Variants in HCN1 observed in about 807,000 individuals in gnomAD.
HCN1 encodes the protein hyperpolarization activated cyclic nucleotide gated potassium channel 1.
Under a neutral mutation model 78.9 loss-of-function variants are expected in HCN1, and 13 were observed. The observed-to-expected ratio is 0.16, with a 90% CI of 0.11 to 0.26. The LOEUF (loss-of-function observed/expected upper bound fraction) is 0.26. Among genes scored for constraint, HCN1 ranks in the 10% least tolerant of loss-of-function variants. HCN1 has a pLI of 1.00. For missense variants in HCN1, 810 were observed against 1,154.3 expected (o/e 0.70, Z 4.32); for synonymous variants, 552 against 455.5 (o/e 1.21, Z -2.70).
intron 2 of HCN1, among the ~76,000 whole-genome samples, chr5:45,552,030 A>C (rs1743380157): frequency 1.3e-5 from 2 of 151,928 alleles, no homozygotes; most frequent in South Asian, 4.1e-4. Context: ...TTTTGCCACA[A>C]TTTTAATTAC....
chr5:45,500,664 A>G (rs548241264), intron 2 of HCN1, among the ~76,000 whole-genome samples: 17 of 152,270 alleles, frequency 1.1e-4, no homozygotes, highest in Non-Finnish European at 2.2e-4. Flanking sequence ...TTAACATACA[A>G]CCTAACCCTT....
chr5:45,422,836 A>C (rs1007511814), intron 3 of HCN1, among the ~76,000 whole-genome samples: 11 of 152,186 alleles, frequency 7.2e-5, no homozygotes, highest in Non-Finnish European at 1.5e-4. Context: ...TAAAATGATC[A>C]ACCTCATGAA....
intron 3 of HCN1, among the ~76,000 whole-genome samples, chr5:45,447,537 C>A (rs757408681): frequency 6.6e-6 from 1 of 152,166 alleles, no homozygotes; most frequent in Non-Finnish European, 1.5e-5. Context: ...GCCACTCACC[C>A]GGCCCAGGTT....
chr5:45,491,798 C>G (rs1260363484), intron 2 of HCN1, among the ~76,000 whole-genome samples: 1 of 152,010 alleles, frequency 6.6e-6, no homozygotes, highest in Non-Finnish European at 1.5e-5. Flanking sequence ...AATTCCAGGT[C>G]TTGAGGAAAT....
At chr5:45,695,138 G>A (rs1739980698) in intron 1 of HCN1, 2 of 154,110 alleles carry the variant, frequency 1.3e-5, no homozygotes, top group Non-Finnish European at 2.9e-5. Flanking sequence ...AGGATAACCA[G>A]CGCCTATAAA....
intron 4 of HCN1, among the ~76,000 whole-genome samples, chr5:45,369,817 G>A (rs1358906374): frequency 6.6e-6 from 1 of 152,024 alleles, no homozygotes; most frequent in Admixed American, 6.6e-5. Context: ...CGGATCATGA[G>A]CATAAAGAAA....
rs1740200762 is a variant in HCN1, at chr5:45,420,260, T to G, written c.1012-23550A>C. 2.0e-5 allele frequency among the ~76,000 whole-genome samples: 3 copies of G among 152,326 alleles called. No individual in the cohort carries two copies. In the South Asian group the frequency reaches 6.2e-4, roughly 32 times the overall value. ...TTGCATCCTGTGGCACACTACTGAT[T>G]GCTTTATCAATATTCATCCTTATTC... On this transcript the variant is annotated intron_variant, in intron 3 of 7. Transcript: ENST00000303230.
At chr5:45,549,660 A>G (rs1023475678) in intron 2 of HCN1, among the ~76,000 whole-genome samples, 1 of 152,118 alleles carries the variant, frequency 6.6e-6, no homozygotes, top group Non-Finnish European at 1.5e-5. Context: ...ATCTAATTAA[A>G]CTCAAGAGCT....
At chr5:45,293,270 A>T (rs1745417017) in intron 6 of HCN1, among the ~76,000 whole-genome samples, 2 of 152,000 alleles carry the variant, frequency 1.3e-5, no homozygotes, top group Admixed American at 1.3e-4. Flanking sequence ...TAATTTTTTG[A>T]TATTTTAATA....
At chr5:45,449,537 T>C (rs1377432037) in intron 3 of HCN1, among the ~76,000 whole-genome samples, 4 of 152,148 alleles carry the variant, frequency 2.6e-5, no homozygotes, top group Admixed American at 2.0e-4. Flanking sequence ...AGGTGTGCCC[T>C]AAACCTGCCT....
intron 3 of HCN1, among the ~76,000 whole-genome samples, chr5:45,448,283 C>T (rs563585539): frequency 4.6e-5 from 7 of 152,248 alleles, no homozygotes; most frequent in African/African-American, 1.7e-4. Context: ...GGGGATTGAG[C>T]TCATTTGGAA....
At chr5:45,350,666 C>A (rs1376632590) in intron 5 of HCN1, among the ~76,000 whole-genome samples, 2 of 150,902 alleles carry the variant, frequency 1.3e-5, no homozygotes, top group African/African-American at 4.9e-5. Flanking sequence ...TGATAAGCAA[C>A]TTCAGCAAAG....
chr5:45,670,121 C>T (rs1377749310), intron 1 of HCN1, among the ~76,000 whole-genome samples: 3 of 151,562 alleles, frequency 2.0e-5, no homozygotes, highest in African/African-American at 7.3e-5. Context: ...AAAAATTATA[C>T]ATTCACCAAA....
chr5:45,438,973 C>T (rs1003175654), intron 3 of HCN1, among the ~76,000 whole-genome samples: 6 of 152,076 alleles, frequency 3.9e-5, no homozygotes, highest in African/African-American at 1.4e-4. Flanking sequence ...TAATTATGGA[C>T]AGCTATAAAT....
intron 2 of HCN1, among the ~76,000 whole-genome samples, chr5:45,489,316 T>C (rs1445500780): frequency 6.6e-6 from 1 of 152,150 alleles, no homozygotes; most frequent in East Asian, 1.9e-4. Context: ...AAAAGATAAC[T>C]TGGGGTTAAG....
At chr5:45,457,164 T>C (rs1342035189) in intron 3 of HCN1, among the ~76,000 whole-genome samples, 3 of 152,048 alleles carry the variant, frequency 2.0e-5, no homozygotes, top group African/African-American at 7.2e-5. Flanking sequence ...TAGCTGAAAA[T>C]CCTTCTTTAT....
Position 45,684,346 on chromosome 5 carries a change from G to T in HCN1, c.425+11323C>A, listed in dbSNP as rs1189304271. 3.9e-5 allele frequency among the ~76,000 whole-genome samples: 6 copies of T among 152,058 alleles called. No individual in the cohort carries two copies. The East Asian group carries it at 1.2e-3, about 29-fold the overall frequency. On this transcript the variant is annotated intron_variant, in intron 1 of 7. Transcript: ENST00000303230. ...GCAATACTTATTCAACCATAACTTG[G>T]TGCTTCTAGCATGTATTTCTGCTTT...
intron 2 of HCN1, among the ~76,000 whole-genome samples, chr5:45,560,145 A>C (rs1368367376): frequency 1.3e-5 from 2 of 152,148 alleles, no homozygotes; most frequent in African/African-American, 4.8e-5. Context: ...GTTTTATAGA[A>C]AACCAAAACT....
intron 3 of HCN1, among the ~76,000 whole-genome samples, chr5:45,398,365 A>T (rs527644528): frequency 2.4e-4 from 36 of 152,264 alleles, no homozygotes; most frequent in Admixed American, 4.6e-4. Context: ...ATAGTTTCAT[A>T]GTCAGGAAAT....
Sources: gnomAD v4.1 joint callset for allele counts (sites outside exome capture counted in the v4.1 genomes callset) on GRCh38, gnomAD v4.1.1 for gene constraint, MANE v1.5 for transcripts, NCBI Gene and HGNC (gene_info 2026-07-23, HGNC 2026-07-21) for gene names.